Variants in FHOD3 observed in about 807,000 individuals in gnomAD.
The protein encoded by FHOD3 is FH1/FH2 domain-containing protein 3.
Under a neutral mutation model 173.0 loss-of-function variants are expected in FHOD3, and 90 were observed. The observed-to-expected ratio is 0.52, with a 90% CI of 0.44 to 0.62. The LOEUF is 0.62. FHOD3 is among the 20% of genes least tolerant of loss of function. The pLI is 0.00. For synonymous variants in FHOD3, 828 were observed against 823.0 expected (o/e 1.01, Z -0.10); for missense variants, 1,945 against 2,034.7 (o/e 0.96, Z 0.85).
intron 1 of FHOD3, among the ~76,000 whole-genome samples, chr18:36,343,160 C>G (rs2045710021): frequency 6.6e-6 from 1 of 151,916 alleles, no homozygotes; most frequent in African/African-American, 2.4e-5. Context: ...AGGTATATAC[C>G]CAAGAGAGGT....
chr18:36,433,269 G>A (rs1379953532), intron 3 of FHOD3, among the ~76,000 whole-genome samples: 2 of 152,068 alleles, frequency 1.3e-5, no homozygotes, highest in African/African-American at 2.4e-5. Context: ...GAGTCTTGGG[G>A]GGCATTTTAG....
chr18:36,722,639 C>G (rs1214305521), intron 19 of FHOD3, among the ~76,000 whole-genome samples: 1 of 151,938 alleles, frequency 6.6e-6, no homozygotes, highest in Non-Finnish European at 1.5e-5. Context: ...AGGTGTCACT[C>G]TGTCGCCCAG....
chr18:36,458,469 G>C (rs1349870163), intron 3 of FHOD3, among the ~76,000 whole-genome samples: 1 of 152,036 alleles, frequency 6.6e-6, no homozygotes, highest in Non-Finnish European at 1.5e-5. Context: ...TGCATATCAT[G>C]GGTTGCCACA....
chr18:36,651,826 ACAAT>A (rs2036075545), intron 11 of FHOD3, among the ~76,000 whole-genome samples: 1 of 152,218 alleles, frequency 6.6e-6, no homozygotes, highest in Non-Finnish European at 1.5e-5. Flanking sequence ...AATGATGACC[ACAAT>A]CAATGAACAT....
intron 10 of FHOD3, among the ~76,000 whole-genome samples, chr18:36,639,994 A>G (rs2035191992): frequency 6.6e-6 from 1 of 152,134 alleles, no homozygotes; most frequent in Admixed American, 6.5e-5. Context: ...CCATTATGTT[A>G]AATTACTCCA....
rs1261672307 is a variant in FHOD3, at chr18:36,718,586, T to C, written c.3288T>C (p.Phe1096=). ...IRLFWNEVRP[F]DWPCKNNRRC... ...TGTTCTGGAATGAAGTTCGGCCTTTTGACTGGCCATGTAAAAACAACCGAC... is the reference window on the plus strand; with the variant it reads ...TGTTCTGGAATGAAGTTCGGCCTTTCGACTGGCCATGTAAAAACAACCGAC... The change falls in exon 19 of 29, where the codon TTT becomes TTC. Residue 1096 remains phenylalanine, a synonymous_variant. Transcript: ENST00000590592. 6.2e-7 allele frequency: 1 copy of C among 1,614,040 alleles called. No individual in the cohort carries two copies. Among genetic ancestry groups the C allele is most frequent in the Non-Finnish European group, 8.5e-7 (1 of 1,180,040 alleles).
At chr18:36,666,371 A>C (rs971167858) in intron 14 of FHOD3, among the ~76,000 whole-genome samples, 5 of 152,202 alleles carry the variant, frequency 3.3e-5, no homozygotes, top group African/African-American at 1.2e-4. Context: ...GAGCTAGGAT[A>C]TGACCCTGAA....
intron 1 of FHOD3, among the ~76,000 whole-genome samples, chr18:36,354,632 T>C (rs1312723232): frequency 2.6e-5 from 4 of 151,862 alleles, no homozygotes; most frequent in African/African-American, 9.7e-5. Context: ...CAAAACCCCA[T>C]CTCTACTAAA....
intron 1 of FHOD3, among the ~76,000 whole-genome samples, chr18:36,324,241 CATT>C (rs1430616580): frequency 1.3e-5 from 2 of 152,154 alleles, no homozygotes; most frequent in Non-Finnish European, 2.9e-5. Context: ...CCAGATGAAT[CATT>C]GACTTAAAGG....
intron 1 of FHOD3, among the ~76,000 whole-genome samples, chr18:36,316,370 C>T (rs979454525): frequency 6.6e-6 from 1 of 152,154 alleles, no homozygotes; most frequent in African/African-American, 2.4e-5. Context: ...ACTGGAGCTC[C>T]TCTAGAGGGT....
intron 5 of FHOD3, among the ~76,000 whole-genome samples, chr18:36,567,519 A>C (rs2058307217): frequency 6.6e-6 from 1 of 152,220 alleles, no homozygotes; most frequent in Admixed American, 6.5e-5. Flanking sequence ...GAATTCAACT[A>C]TAAAACCTAT....
At chr18:36,677,128 A>G (rs112620904) in intron 14 of FHOD3, among the ~76,000 whole-genome samples, 3 of 150,036 alleles carry the variant, frequency 2.0e-5, no homozygotes, top group African/African-American at 7.3e-5. Context: ...TCTAGAATTT[A>G]TTTTTATATT....
chr18:36,429,017 A>G (rs1599079057), intron 3 of FHOD3, among the ~76,000 whole-genome samples: 6 of 152,318 alleles, frequency 3.9e-5, no homozygotes, highest in African/African-American at 1.4e-4. Flanking sequence ...CACTGTCGTC[A>G]TTGCTTGGAG....
At chr18:36,633,095 G>C (rs983896029) in intron 10 of FHOD3, among the ~76,000 whole-genome samples, 1 of 152,198 alleles carries the variant, frequency 6.6e-6, no homozygotes, top group African/African-American at 2.4e-5. Context: ...GAGGGGCTGC[G>C]TGTGCACTGT....
chr18:36,632,277 A>G (rs903824520), intron 10 of FHOD3, among the ~76,000 whole-genome samples: 1 of 152,340 alleles, frequency 6.6e-6, no homozygotes, highest in East Asian at 1.9e-4. Context: ...ATGCCTCAGC[A>G]TTGTAATTTG....
chr18:36,307,252 GC>G (rs1414216405), intron 1 of FHOD3, among the ~76,000 whole-genome samples: 1 of 152,228 alleles, frequency 6.6e-6, no homozygotes, highest in Non-Finnish European at 1.5e-5. Context: ...ATGAGCCACT[GC>G]GCCTGGCCTG....
At position 36,693,102 on chromosome 18, in the gene FHOD3, T is replaced by C. The variant is rs2039059113; in HGVS notation, c.2022-107T>C. ...CTCCAGCCAGCCCTGCACTGTGCTG[T>C]GTGCATCAGGAAACCGGCTCATTCT... On this transcript the variant is annotated intron_variant, in intron 16 of 28. Transcript: ENST00000590592. 8 of 1,102,268 alleles carry C rather than the reference T, an allele frequency of 7.3e-6. No individual in the cohort carries two copies. In the East Asian group the frequency reaches 2.1e-4, roughly 28 times the overall value. 68.3% of individuals were successfully genotyped at this position (1,102,268 alleles called of 1,614,324 possible).
intron 3 of FHOD3, among the ~76,000 whole-genome samples, chr18:36,433,492 A>T (rs1422853755): frequency 6.6e-6 from 1 of 152,218 alleles, no homozygotes; most frequent in Non-Finnish European, 1.5e-5. Context: ...TAACAAATTT[A>T]TTCAATTCAA....
chr18:36,647,838 G>C (rs2149062501), intron 10 of FHOD3, among the ~76,000 whole-genome samples: 1 of 152,340 alleles, frequency 6.6e-6, no homozygotes, highest in South Asian at 2.1e-4. Context: ...CTTTTAGATG[G>C]AGAATAAAAC....
Sources: allele counts gnomAD v4.1 joint callset (sites outside exome capture counted in the v4.1 genomes callset), GRCh38; gene constraint gnomAD v4.1.1; transcripts MANE v1.5; gene names NCBI Gene and HGNC (gene_info 2026-07-23, HGNC 2026-07-21).